The following PRR16 variants were observed in gnomAD, a reference collection of about 807,000 sequenced individuals.
The protein encoded by PRR16 is proline rich 16.
Under a neutral mutation model 18.2 loss-of-function variants are expected in PRR16, and 6 were observed. That is an observed-to-expected ratio of 0.33 (90% confidence interval 0.18 to 0.65). PRR16 has a LOEUF of 0.65. Among genes scored for constraint, PRR16 ranks in the 30% least tolerant of loss-of-function variants. The pLI is 0.74. For missense variants in PRR16, 412 were observed against 376.6 expected (o/e 1.09, Z -0.78); for synonymous variants, 151 against 147.8 (o/e 1.02, Z -0.16).
chr5:120,684,853 C>T (rs1411106792), intron 1 of PRR16, among the ~76,000 whole-genome samples: 2 of 152,230 alleles, frequency 1.3e-5, no homozygotes, highest in Non-Finnish European at 2.9e-5. Flanking sequence ...ATCTTCACAA[C>T]CTCTCTCCTT....
downstream of PRR16, among the ~76,000 whole-genome samples, chr5:120,689,704 A>G (rs1757187609): frequency 6.6e-6 from 1 of 152,170 alleles, no homozygotes; most frequent in African/African-American, 2.4e-5. Flanking sequence ...AAAATAGGAC[A>G]TATTTCAAAA....
the PRR16 span, among the ~76,000 whole-genome samples, chr5:120,706,930 C>G: frequency 3.0e-3 from 459 of 152,274 alleles, 3 homozygotes; most frequent in African/African-American, 0.011. Flanking sequence ...AGCTCTTACC[C>G]TCTGATAGAC....
chr5:120,741,144 T>C, the PRR16 span, among the ~76,000 whole-genome samples: 1 of 152,018 alleles, frequency 6.6e-6, no homozygotes, highest in East Asian at 1.9e-4. Context: ...TTTATATATA[T>C]AGAAGTACAG....
chr5:120,637,842 C>CA (rs957973437), intron 1 of PRR16, among the ~76,000 whole-genome samples: 11 of 151,432 alleles, frequency 7.3e-5, no homozygotes, highest in South Asian at 4.2e-4. Context: ...ATCTCAACAA[C>CA]AAAAAAAAGA....
chr5:120,787,208 CA>C, the PRR16 span, among the ~76,000 whole-genome samples: 7 of 151,694 alleles, frequency 4.6e-5, no homozygotes, highest in Admixed American at 2.6e-4. Context: ...AGTAAACATG[CA>C]AAAAAATGTG....
At chr5:120,519,874 T>C (rs1055633509) in intron 1 of PRR16, among the ~76,000 whole-genome samples, 8 of 152,126 alleles carry the variant, frequency 5.3e-5, no homozygotes, top group Admixed American at 2.0e-4. Context: ...TGGGTTTTTT[T>C]CTCATTTTTA....
intron 1 of PRR16, among the ~76,000 whole-genome samples, chr5:120,561,700 G>A (rs1438135585): frequency 6.6e-6 from 1 of 152,064 alleles, no homozygotes; most frequent in Non-Finnish European, 1.5e-5. Flanking sequence ...GTTGTAGGAG[G>A]GACCCAGTGG....
chr5:120,703,066 G>T, the PRR16 span, among the ~76,000 whole-genome samples: 1 of 152,170 alleles, frequency 6.6e-6, no homozygotes, highest in Non-Finnish European at 1.5e-5. Flanking sequence ...GAGAGTCAGC[G>T]AAGGGAGATA....
chr5:120,524,246 C>T (rs1561530284), intron 1 of PRR16, among the ~76,000 whole-genome samples: 1 of 152,102 alleles, frequency 6.6e-6, no homozygotes. Flanking sequence ...AATGTTCTTA[C>T]AGAAAATATA....
chr5:120,767,888 C>T, the PRR16 span, among the ~76,000 whole-genome samples: 1 of 151,764 alleles, frequency 6.6e-6, no homozygotes, highest in African/African-American at 2.4e-5. Context: ...TGACTGAGCT[C>T]TTGCTACTCC....
intron 1 of PRR16, among the ~76,000 whole-genome samples, chr5:120,583,903 T>C (rs897132840): frequency 2.3e-4 from 35 of 152,200 alleles, no homozygotes; most frequent in African/African-American, 7.5e-4. Flanking sequence ...AAGATTGACA[T>C]GACTTTTCAA....
the PRR16 span, among the ~76,000 whole-genome samples, chr5:120,722,642 C>G: frequency 4.6e-5 from 7 of 151,924 alleles, no homozygotes; most frequent in Admixed American, 3.3e-4. Context: ...CCTGATATCT[C>G]AATTACCTTG....
At chr5:120,519,012 TC>T (rs1751086456) in intron 1 of PRR16, among the ~76,000 whole-genome samples, 3 of 152,166 alleles carry the variant, frequency 2.0e-5, no homozygotes. Context: ...ACTAATACAA[TC>T]TTAATAGTTT....
downstream of PRR16, among the ~76,000 whole-genome samples, chr5:120,688,122 GC>G (rs1757169145): frequency 6.6e-6 from 1 of 152,166 alleles, no homozygotes; most frequent in African/African-American, 2.4e-5. Context: ...CAGGCAGATA[GC>G]CTTCAATCGT....
intron 1 of PRR16, among the ~76,000 whole-genome samples, chr5:120,684,751 T>C (rs1266135227): frequency 6.6e-6 from 1 of 152,144 alleles, no homozygotes; most frequent in African/African-American, 2.4e-5. Context: ...ACAGTAAGGT[T>C]GCCCTGTTAT....
chr5:120,779,154 A>G, the PRR16 span, among the ~76,000 whole-genome samples: 1 of 152,220 alleles, frequency 6.6e-6, no homozygotes, highest in African/African-American at 2.4e-5. Flanking sequence ...AAGTTTTGCC[A>G]GAAGGAGGGA....
At chr5:120,698,309 T>A in the PRR16 span, among the ~76,000 whole-genome samples, 2 of 151,864 alleles carry the variant, frequency 1.3e-5, no homozygotes, top group Non-Finnish European at 2.9e-5. Context: ...TTTGTATGAA[T>A]TGAAAAACTA....
the PRR16 span, among the ~76,000 whole-genome samples, chr5:120,711,800 TC>T: frequency 6.6e-6 from 1 of 152,114 alleles, no homozygotes; most frequent in South Asian, 2.1e-4. Flanking sequence ...CTTCTTTTCC[TC>T]CAAATTCACC....
the PRR16 span, among the ~76,000 whole-genome samples, chr5:120,695,057 G>T: frequency 6.6e-6 from 1 of 152,116 alleles, no homozygotes; most frequent in Non-Finnish European, 1.5e-5. Context: ...AGTGATTTAT[G>T]GTTTCATACA....
Sources: gnomAD v4.1 joint callset for allele counts (sites outside exome capture counted in the v4.1 genomes callset) on GRCh38, gnomAD v4.1.1 for gene constraint, MANE v1.5 for transcripts, NCBI Gene and HGNC (gene_info 2026-07-23, HGNC 2026-07-21) for gene names.